Variants in CBLC observed in about 807,000 individuals in gnomAD.
The protein encoded by CBLC is Cbl proto-oncogene C.
CBLC carries 46 observed loss-of-function variants against 58.6 expected under a neutral mutation model. The ratio of observed to expected loss-of-function variants is 0.79; its 90% CI spans 0.62 to 1.00. CBLC has a LOEUF of 1.00. CBLC is among the 50% of genes least tolerant of loss of function. The pLI is 0.00. For synonymous variants in CBLC, 271 were observed against 264.2 expected, an observed-to-expected ratio of 1.03 and a Z score of -0.25; for missense variants, 655 against 625.8, an observed-to-expected ratio of 1.05 and a Z score of -0.50.
intron 6 of CBLC, among the ~76,000 whole-genome samples, chr19:44,791,726 C>T (rs1225137755): frequency 1.4e-5 from 2 of 142,360 alleles, no homozygotes; most frequent in Admixed American, 7.2e-5. Flanking sequence ...AGCAAGACTG[C>T]GTCTCCAAAA....
chr19:44,782,373 T>C lies in CBLC; in HGVS notation c.661T>C (p.Trp221Arg). The C allele has an allele frequency of 6.2e-7, 1 of 1,613,254 alleles. No homozygotes were observed. Among genetic ancestry groups the C allele is most frequent in the Non-Finnish European group, 8.5e-7 (1 of 1,179,536 alleles). ...CCCAAGCCCTGCCCCACCCCAGCCA[T>C]GGCCAACACTCCTCAAGAACTGGCA... ...FDVFTRLFQP[W>R]PTLLKNWQLL... Residue 221 changes from tryptophan (W) to arginine (R), a missense_variant, in exon 4 of 11, where the codon TGG becomes CGG. By Grantham distance (101) the Trp-to-Arg change is moderately radical (BLOSUM62 -3). Coordinates refer to ENST00000647358, the MANE Select transcript of CBLC (RefSeq NM_012116.4).
At position 44,780,804 on chromosome 19, in the gene CBLC, A is replaced by G. The variant is rs1332747231; in HGVS notation, c.354-101A>G. 5.7e-6 allele frequency: 7 copies of G among 1,226,180 alleles called. No individual in the cohort carries two copies. In the South Asian group the frequency reaches 6.9e-5, roughly 12 times the overall value. The allele number at this position is 1,226,180 out of a possible 1,614,324, so 76.0% of individuals were successfully genotyped here. On this transcript the variant is annotated intron_variant, in intron 1 of 10. Transcript: ENST00000647358. ...GACTCTTACCTTACACTGTTGAGAT[A>G]GAGTCCAGAGCCTTATCCCTGCAGG... is the stretch of plus-strand genomic sequence containing the variant.
intron 5 of CBLC, among the ~76,000 whole-genome samples, chr19:44,784,950 G>GTTGT (rs1967850001): frequency 2.9e-5 from 1 of 34,356 alleles, no homozygotes; most frequent in Non-Finnish European, 6.6e-5. Context: ...CTAGACAGGT[G>GTTGT]TTTTTTTTTT....
chr19:44,797,108 C>T (rs1968194772), intron 9 of CBLC, among the ~76,000 whole-genome samples: 1 of 152,118 alleles, frequency 6.6e-6, no homozygotes, highest in African/African-American at 2.4e-5. Context: ...CCTCCGCCTC[C>T]CCCACCCTTT....
intron 1 of CBLC, among the ~76,000 whole-genome samples, chr19:44,778,981 G>A (rs1079419): frequency 0.024 from 3,580 of 152,214 alleles, 109 homozygotes; most frequent in South Asian, 0.07. Flanking sequence ...CCTTCCTTGG[G>A]CACCCATGCC....
chr19:44,781,201 A>G lies in CBLC; in HGVS notation c.501-6A>G. 6.2e-7 allele frequency: 1 copy of G among 1,606,750 alleles called. No homozygotes were observed. The highest frequency in any genetic ancestry group is 8.5e-7 in the Non-Finnish European group (1 of 1,175,988). On this transcript the variant is annotated splice_polypyrimidine_tract_variant and splice_region_variant and intron_variant, in intron 2 of 10. Coordinates refer to ENST00000647358, the MANE Select transcript of CBLC (RefSeq NM_012116.4). ...GCGGTGTCTCCCCCACCCCTCTCCC[A>G]CCCAGGTGTGTGCTGCCCTGGGCTG...
chr19:44,793,535 G>A lies in CBLC; in HGVS notation c.1199G>A (p.Ser400Asn), dbSNP rs1968107345. ...RCEIKGWEAV[S>N]IYQFHGQATA... is the part of the protein sequence containing the mutation. The stretch of plus-strand genomic sequence containing the variant: ...GAGATCAAGGGCTGGGAGGCCGTGA[G>A]TATCTACCAGTTCCACGGTCAGGCT... The change falls in exon 8 of 11, where the codon AGT becomes AAT. Residue 400 changes from serine to asparagine, a missense_variant. By Grantham distance (46) the Ser-to-Asn change is conservative. Coordinates refer to ENST00000647358, the MANE Select transcript of CBLC (RefSeq NM_012116.4). 1 of 1,612,804 alleles carries A rather than the reference G, an allele frequency of 6.2e-7. No individual in the cohort carries two copies. Among genetic ancestry groups the A allele is most frequent in the Non-Finnish European group, 8.5e-7 (1 of 1,179,620 alleles).
intron 5 of CBLC, among the ~76,000 whole-genome samples, chr19:44,789,308 T>C (rs1432151969): frequency 6.6e-6 from 1 of 152,174 alleles, no homozygotes; most frequent in African/African-American, 2.4e-5. Context: ...TATTATCAGA[T>C]TCTAGGATTT....
chr19:44,792,234 TC>T, intron 6 of CBLC, 148 bp from the exon 7 acceptor site: 1 of 722,684 alleles, frequency 1.4e-6, no homozygotes. Flanking sequence ...CCTCAGATGA[TC>T]CCCCTGCCTC....
chr19:44,790,962 A>T (rs1430836111), intron 6 of CBLC, among the ~76,000 whole-genome samples: 1 of 151,920 alleles, frequency 6.6e-6, no homozygotes, highest in African/African-American at 2.4e-5. Flanking sequence ...TACAAAAATT[A>T]GCTGGGTGTG....
intron 9 of CBLC, among the ~76,000 whole-genome samples, chr19:44,798,799 A>T (rs1294399615): frequency 6.6e-6 from 1 of 152,160 alleles, no homozygotes; most frequent in Non-Finnish European, 1.5e-5. Flanking sequence ...AACTCAAGCC[A>T]AAGTCCTCTC....
intron 5 of CBLC, among the ~76,000 whole-genome samples, chr19:44,789,262 T>G (rs1194907633): frequency 6.6e-6 from 1 of 152,100 alleles, no homozygotes. Flanking sequence ...AGGGAAGAAG[T>G]GGTACAGGTG....
rs374937127 is a variant in CBLC, at chr19:44,782,762, G to A, written c.779+271G>A. ...AAAGACCCGCTTGAGGGTAAGGTCC[G>A]TTTCTGGTAGGTCAGAGTCATGTTG... On this transcript the variant is annotated intron_variant, in intron 4 of 10. Coordinates refer to ENST00000647358, the MANE Select transcript of CBLC (RefSeq NM_012116.4). Among the ~76,000 whole-genome samples, 28 of 152,288 alleles carry A rather than the reference G, an allele frequency of 1.8e-4. 1 individual carries two copies. The East Asian group carries it at 2.3e-3, about 13-fold the overall frequency.
chr19:44,787,062 G>A (rs1967927473), intron 5 of CBLC, among the ~76,000 whole-genome samples: 1 of 151,986 alleles, frequency 6.6e-6, no homozygotes, highest in Non-Finnish European at 1.5e-5. Context: ...TCCAGCTTGG[G>A]TGACAGAGTG....
chr19:44,794,730 G>T, intron 9 of CBLC, among the ~76,000 whole-genome samples: 1 of 151,760 alleles, frequency 6.6e-6, no homozygotes, highest in Non-Finnish European at 1.5e-5. Flanking sequence ...CCCACAGTGC[G>T]GGGATTACAG....
chr19:44,779,553 C>CTTTTTTTT (rs774514447), intron 1 of CBLC, among the ~76,000 whole-genome samples: 3,782 of 136,938 alleles, frequency 0.028, 83 homozygotes, highest in South Asian at 0.087. Context: ...TGTAGTGTCT[C>CTTTTTTTT]TTTTTTTTTT....
chr19:44,791,382 T>C (rs1750127334), intron 6 of CBLC, among the ~76,000 whole-genome samples: 1 of 151,978 alleles, frequency 6.6e-6, no homozygotes, highest in African/African-American at 2.4e-5. Context: ...TACTTTTATT[T>C]GCTAAATCTG....
rs1809335 is a variant in CBLC, at chr19:44,780,734, A to G, written c.354-171A>G. The stretch of plus-strand genomic sequence containing the variant: ...GTGATCCACCCACCTCAGCCTCCCA[A>G]AGTGCTGGGATTACAGGCGTGAGCC... On this transcript the variant is annotated intron_variant, in intron 1 of 10. Coordinates refer to ENST00000647358, the MANE Select transcript of CBLC (RefSeq NM_012116.4). Among the ~76,000 whole-genome samples, 642 of 151,414 alleles carry G rather than the reference A, an allele frequency of 4.2e-3. 9 individuals are homozygous for G. The highest frequency in any genetic ancestry group is 0.014 in the African/African-American group (583 of 41,298).
chr19:44,785,532 GTAGATAGA>G (rs56894232), intron 5 of CBLC, among the ~76,000 whole-genome samples: 23,105 of 148,848 alleles, frequency 0.16, 1,800 homozygotes, highest in African/African-American at 0.18. Flanking sequence ...AGTCAGATAG[GTAGATAGA>G]TAGATAGATA....
Sources: allele counts gnomAD v4.1 joint callset (sites outside exome capture counted in the v4.1 genomes callset), GRCh38; gene constraint gnomAD v4.1.1; transcripts MANE v1.5; gene names NCBI Gene and HGNC (gene_info 2026-07-23, HGNC 2026-07-21).